Variants in GRIK1 observed in about 807,000 individuals in gnomAD.
GRIK1 encodes glutamate ionotropic receptor kainate type subunit 1.
A neutral mutation model predicts 105.7 loss-of-function variants in GRIK1; 69 were observed. That is an observed-to-expected ratio of 0.65 (90% CI 0.54 to 0.80). The LOEUF (loss-of-function observed/expected upper bound fraction) is 0.80. Ranked by LOEUF, GRIK1 falls within the 30% of genes least tolerant of loss-of-function variation. The probability of loss-of-function intolerance (pLI) is 0.00; values close to 1 mark genes in which losing one functional copy is unlikely to be tolerated. For missense variants in GRIK1, 1,109 were observed against 1,167.3 expected (o/e 0.95, Z 0.73); for synonymous variants, 438 against 431.3 (o/e 1.02, Z -0.19).
intron 1 of GRIK1, among the ~76,000 whole-genome samples, chr21:29,896,398 A>G (rs1309550002): frequency 3.3e-5 from 5 of 152,060 alleles, no homozygotes; most frequent in Non-Finnish European, 5.9e-5. Flanking sequence ...TATGCTACAT[A>G]TTTTACTTAT....
At chr21:29,786,264 C>T (rs574159419) in intron 1 of GRIK1, among the ~76,000 whole-genome samples, 3 of 152,278 alleles carry the variant, frequency 2.0e-5, no homozygotes, top group Non-Finnish European at 2.9e-5. Context: ...TGGGAATACC[C>T]GCGTGAGCCA....
intron 1 of GRIK1, among the ~76,000 whole-genome samples, chr21:29,937,475 C>T (rs936529735): frequency 6.6e-6 from 1 of 152,164 alleles, no homozygotes; most frequent in African/African-American, 2.4e-5. Flanking sequence ...TGTTTGTTTT[C>T]ACCTTGAAAA....
chr21:29,662,777 A>G (rs1457916800), intron 4 of GRIK1, among the ~76,000 whole-genome samples: 4 of 152,148 alleles, frequency 2.6e-5, no homozygotes, highest in Non-Finnish European at 5.9e-5. Flanking sequence ...GGCTTAAAAA[A>G]TAATTTATAT....
At chr21:29,712,580 G>A (rs764984045) in intron 1 of GRIK1, among the ~76,000 whole-genome samples, 7 of 152,032 alleles carry the variant, frequency 4.6e-5, no homozygotes, top group Non-Finnish European at 5.9e-5. Flanking sequence ...AATAAACTTT[G>A]CAATTGATGG....
chr21:29,848,779 A>ATATATTTTTTTTTTT, intron 1 of GRIK1, among the ~76,000 whole-genome samples: 7 of 77,860 alleles, frequency 9.0e-5, no homozygotes, highest in African/African-American at 4.1e-4. Context: ...ATATATATAT[A>ATATATTTTTTTTTTT]TTTTTTTTTT....
intron 1 of GRIK1, among the ~76,000 whole-genome samples, chr21:29,816,455 C>G (rs1198383668): frequency 6.6e-6 from 1 of 151,918 alleles, no homozygotes; most frequent in Non-Finnish European, 1.5e-5. Context: ...GGTATTTATC[C>G]AAAGGAAAGG....
chr21:29,696,748 G>A (rs111983621), intron 1 of GRIK1, among the ~76,000 whole-genome samples: 8 of 152,320 alleles, frequency 5.3e-5, no homozygotes, highest in African/African-American at 1.7e-4. Flanking sequence ...TCTTTAGGAC[G>A]TTCAGGCTGC....
At chr21:29,547,477 C>A (rs1456466762) in intron 16 of GRIK1, among the ~76,000 whole-genome samples, 1 of 152,188 alleles carries the variant, frequency 6.6e-6, no homozygotes, top group Non-Finnish European at 1.5e-5. Flanking sequence ...CAGAGAACTT[C>A]AAATGCAACC....
At chr21:29,602,041 G>T (rs192702461) in intron 7 of GRIK1, among the ~76,000 whole-genome samples, 1 of 152,262 alleles carries the variant, frequency 6.6e-6, no homozygotes, top group Admixed American at 6.5e-5. Flanking sequence ...ATCTTTGATT[G>T]GGAGTCAAGA....
chr21:29,702,561 A>G (rs1001120861), intron 1 of GRIK1, among the ~76,000 whole-genome samples: 2 of 152,152 alleles, frequency 1.3e-5, no homozygotes, highest in African/African-American at 4.8e-5. Flanking sequence ...AAATACAAAA[A>G]TTAGCCAAGC....
chr21:29,787,794 T>C (rs914105213), intron 1 of GRIK1, among the ~76,000 whole-genome samples: 2 of 152,212 alleles, frequency 1.3e-5, no homozygotes. Context: ...CATTTATCAA[T>C]CTTGCTAGTG....
intron 3 of GRIK1, among the ~76,000 whole-genome samples, chr21:29,679,972 A>G (rs2063340641): frequency 6.6e-6 from 1 of 152,188 alleles, no homozygotes; most frequent in African/African-American, 2.4e-5. Flanking sequence ...CCAAACTTTG[A>G]TATTTCAGAG....
chr21:29,659,150 A>G (rs1310425397), intron 4 of GRIK1, among the ~76,000 whole-genome samples: 1 of 152,166 alleles, frequency 6.6e-6, no homozygotes, highest in Admixed American at 6.5e-5. Context: ...CCTCCCTTTT[A>G]AAAACATTTA....
intron 1 of GRIK1, among the ~76,000 whole-genome samples, chr21:29,855,907 T>A (rs2068448543): frequency 6.6e-6 from 1 of 151,926 alleles, no homozygotes; most frequent in African/African-American, 2.4e-5. Context: ...TCTCCTAAAG[T>A]TTTGGCTTGA....
chr21:29,831,009 C>CT (rs1274106495), intron 1 of GRIK1, among the ~76,000 whole-genome samples: 1 of 152,096 alleles, frequency 6.6e-6, no homozygotes, highest in Non-Finnish European at 1.5e-5. Context: ...TCCACCTTGT[C>CT]TATATGGACA....
intron 1 of GRIK1, among the ~76,000 whole-genome samples, chr21:29,792,834 C>T (rs1420758023): frequency 1.3e-5 from 2 of 152,044 alleles, no homozygotes; most frequent in Non-Finnish European, 1.5e-5. Flanking sequence ...GCAGCTCTTA[C>T]CAAATGTAAA....
chr21:29,867,886 A>AAGAGAGAAAGAGAGAGAAAGAGAG (rs2068865450), intron 1 of GRIK1, among the ~76,000 whole-genome samples: 3 of 129,032 alleles, frequency 2.3e-5, no homozygotes, highest in Non-Finnish European at 4.7e-5. Flanking sequence ...AAGAGAGAGA[A>AAGAGAGAAAGAGAGAGAAAGAGAG]AGAGAGAGAG....
At chr21:29,565,895 G>C (rs1395803046) in intron 14 of GRIK1, among the ~76,000 whole-genome samples, 2 of 152,210 alleles carry the variant, frequency 1.3e-5, no homozygotes, top group Non-Finnish European at 2.9e-5. Flanking sequence ...ATGACACACA[G>C]AAGGTGGCAG....
intron 1 of GRIK1, among the ~76,000 whole-genome samples, chr21:29,826,400 GACATTTAAATCC>G (rs1165187429): frequency 6.6e-6 from 1 of 152,104 alleles, no homozygotes; most frequent in African/African-American, 2.4e-5. Context: ...AGATAAGATT[GACATTTAAATCC>G]ATGGACTTTG....
Sources: gnomAD v4.1 joint callset for allele counts (sites outside exome capture counted in the v4.1 genomes callset) on GRCh38, gnomAD v4.1.1 for gene constraint, MANE v1.5 for transcripts, NCBI Gene and HGNC (gene_info 2026-07-23, HGNC 2026-07-21) for gene names.